The following GRID2 variants were observed in gnomAD, a reference collection of about 807,000 sequenced individuals.
GRID2 encodes the protein glutamate ionotropic receptor delta type subunit 2, also known as glutamate receptor ionotropic, delta-2.
A neutral mutation model predicts 114.8 loss-of-function variants in GRID2; 33 were observed. The observed-to-expected ratio is 0.29, with a 90% CI of 0.22 to 0.38. GRID2 has a LOEUF of 0.38. Ranked by LOEUF, GRID2 falls within the 10% of genes least tolerant of loss-of-function variation. The pLI is 1.00. For missense variants in GRID2, 1,184 were observed against 1,257.7 expected (o/e 0.94, Z 0.89); for synonymous variants, 505 against 449.9 (o/e 1.12, Z -1.55).
intron 8 of GRID2, among the ~76,000 whole-genome samples, chr4:93,372,930 A>G (rs1182182776): frequency 6.6e-6 from 1 of 152,152 alleles, no homozygotes. Flanking sequence ...ATATAAGTAG[A>G]TAATACTTTT....
intron 2 of GRID2, among the ~76,000 whole-genome samples, chr4:92,890,665 G>A (rs565370548): frequency 6.6e-6 from 1 of 152,264 alleles, no homozygotes. Flanking sequence ...ACTGTTGGTG[G>A]GAGTGTAAAT....
chr4:92,445,078 A>G (rs896351176), intron 1 of GRID2, among the ~76,000 whole-genome samples: 11 of 152,304 alleles, frequency 7.2e-5, no homozygotes, highest in East Asian at 1.9e-4. Context: ...TAGTAAAAAT[A>G]TTTAATATTT....
chr4:92,318,290 G>GTATA (rs1553923538), intron 1 of GRID2, among the ~76,000 whole-genome samples: 84 of 104,082 alleles, frequency 8.1e-4, no homozygotes, highest in Middle Eastern at 6.4e-3. Context: ...ATATATGTGT[G>GTATA]TATATATATA....
chr4:93,407,800 TCCTCCTCCTCTTCCTCCTCCTCCTTCTCC>T, intron 9 of GRID2, among the ~76,000 whole-genome samples: 3 of 122,538 alleles, frequency 2.4e-5, no homozygotes, highest in African/African-American at 1.2e-4. Flanking sequence ...CTCCTCCTCG[TCCTCCTCCTCTTCCTCCTCCTCCTTCTCC>T]TCCTCCTCCT....
At chr4:93,729,477 C>T (rs1460950809) in intron 14 of GRID2, among the ~76,000 whole-genome samples, 4 of 152,134 alleles carry the variant, frequency 2.6e-5, no homozygotes, top group African/African-American at 9.7e-5. Context: ...ACCTGTGACA[C>T]TCTTTCTTCC....
intron 2 of GRID2, among the ~76,000 whole-genome samples, chr4:92,697,237 A>C (rs1734460201): frequency 6.6e-6 from 1 of 152,126 alleles, no homozygotes; most frequent in Non-Finnish European, 1.5e-5. Flanking sequence ...ATGACCATGG[A>C]AGGCTTTTTG....
intron 2 of GRID2, among the ~76,000 whole-genome samples, chr4:92,917,992 G>T (rs1334521307): frequency 6.6e-6 from 1 of 152,108 alleles, no homozygotes; most frequent in African/African-American, 2.4e-5. Flanking sequence ...AGCATGGAAT[G>T]TTCTTCCATT....
chr4:92,413,443 C>G (rs1024933195), intron 1 of GRID2, among the ~76,000 whole-genome samples: 3 of 152,034 alleles, frequency 2.0e-5, no homozygotes, highest in African/African-American at 7.2e-5. Context: ...AGATTTACAC[C>G]TTGAGTTTGA....
chr4:92,805,391 G>A (rs914550108), intron 2 of GRID2, among the ~76,000 whole-genome samples: 1 of 151,952 alleles, frequency 6.6e-6, no homozygotes, highest in Admixed American at 6.6e-5. Flanking sequence ...AAAGAGAATT[G>A]TGGTCAAATA....
intron 14 of GRID2, among the ~76,000 whole-genome samples, chr4:93,732,559 T>C (rs1289493095): frequency 1.3e-5 from 2 of 152,186 alleles, no homozygotes; most frequent in East Asian, 3.8e-4. Context: ...GGCACTCAAC[T>C]CATCCATGAC....
chr4:93,541,961 T>G (rs1267687430), intron 13 of GRID2, among the ~76,000 whole-genome samples: 1 of 152,192 alleles, frequency 6.6e-6, no homozygotes, highest in Non-Finnish European at 1.5e-5. Flanking sequence ...TTCCTGGGAA[T>G]ATTATATTTT....
intron 4 of GRID2, among the ~76,000 whole-genome samples, chr4:93,113,658 A>T (rs1374920675): frequency 6.6e-6 from 1 of 152,214 alleles, no homozygotes; most frequent in African/African-American, 2.4e-5. Context: ...TATCAGCATT[A>T]CAAGATGCAT....
intron 2 of GRID2, among the ~76,000 whole-genome samples, chr4:92,611,676 C>A (rs1729750231): frequency 6.6e-6 from 1 of 151,530 alleles, no homozygotes; most frequent in Non-Finnish European, 1.5e-5. Context: ...CCACCAATTT[C>A]TTCACATTTT....
intron 2 of GRID2, among the ~76,000 whole-genome samples, chr4:92,675,534 T>C (rs1009907896): frequency 6.7e-6 from 1 of 150,318 alleles, no homozygotes; most frequent in Admixed American, 6.6e-5. Flanking sequence ...GAAACACCAG[T>C]CTCTGTTTGG....
chr4:93,300,167 A>G (rs1754714963), intron 8 of GRID2, among the ~76,000 whole-genome samples: 1 of 151,576 alleles, frequency 6.6e-6, no homozygotes, highest in South Asian at 2.1e-4. Flanking sequence ...CTGGTCTCAA[A>G]CTCCTGGGTT....
intron 1 of GRID2, among the ~76,000 whole-genome samples, chr4:92,321,343 G>A (rs1312250534): frequency 6.6e-6 from 1 of 152,168 alleles, no homozygotes; most frequent in Non-Finnish European, 1.5e-5. Context: ...ATGGAAGAAC[G>A]TGAAAGCAGA....
At chr4:93,193,340 T>A (rs959146297) in intron 4 of GRID2, among the ~76,000 whole-genome samples, 3 of 151,956 alleles carry the variant, frequency 2.0e-5, no homozygotes, top group African/African-American at 7.3e-5. Context: ...GTTCCCATAA[T>A]CCCCACGTGT....
At chr4:93,028,054 C>T in intron 2 of GRID2, among the ~76,000 whole-genome samples, 1 of 152,078 alleles carries the variant, frequency 6.6e-6, no homozygotes, top group East Asian at 1.9e-4. Context: ...TGCATACTTT[C>T]TATTCAGTCT....
At chr4:92,547,937 A>G (rs1726350149) in intron 1 of GRID2, among the ~76,000 whole-genome samples, 1 of 152,202 alleles carries the variant, frequency 6.6e-6, no homozygotes. Context: ...CTACTGTGAA[A>G]TGGAAGAAGT....
Sources: gnomAD v4.1 joint callset for allele counts (sites outside exome capture counted in the v4.1 genomes callset) on GRCh38, gnomAD v4.1.1 for gene constraint, MANE v1.5 for transcripts, NCBI Gene and HGNC (gene_info 2026-07-23, HGNC 2026-07-21) for gene names.